DYNLT1: variants seen among roughly 807,000 people sequenced by gnomAD.
DYNLT1 encodes T-complex testis-specific protein 1 homolog.
DYNLT1 carries 18 observed loss-of-function variants against 19.6 expected under a neutral mutation model. The observed-to-expected ratio is 0.92, with a 90% CI of 0.64 to 1.36. The LOEUF is 1.36. DYNLT1 is among the 40% of genes most tolerant of loss of function. The probability of loss-of-function intolerance (pLI) is 0.00; values close to 1 mark genes in which losing one functional copy is unlikely to be tolerated. For missense variants in DYNLT1, 137 were observed against 139.3 expected (o/e 0.98, Z 0.08); for synonymous variants, 56 against 44.0 (o/e 1.27, Z -1.07).
chr6:158,644,694 C>T lies in DYNLT1; in HGVS notation c.15G>A (p.Gln5=), dbSNP rs1562327368. 3 of 1,612,126 alleles carry T rather than the reference C, an allele frequency of 1.9e-6. No individual in the cohort carries two copies. The highest frequency in any genetic ancestry group is 3.3e-5 in the Admixed American group (2 of 60,016). ...ACCCGGCGGTTACCTCCTCCGCAGCCTGGTAGTCTTCCATCTTTCCTCCGG... is the reference window on the plus strand; with the variant it reads ...ACCCGGCGGTTACCTCCTCCGCAGCTTGGTAGTCTTCCATCTTTCCTCCGG... The part of the protein sequence containing the change: MEDY[Q]AAEETAFVVD... The change falls in exon 1 of 5, where the codon CAG becomes CAA. Residue 5 remains glutamine (Q), a synonymous_variant. Transcript: ENST00000367089.
At chr6:158,644,257 C>A (rs1787269526) in intron 1 of DYNLT1, among the ~76,000 whole-genome samples, 1 of 151,810 alleles carries the variant, frequency 6.6e-6, no homozygotes, top group African/African-American at 2.4e-5. Context: ...GTCCAAGCCT[C>A]GGCGCTCCCA....
At chr6:158,644,200 C>T (rs1422351914) in intron 1 of DYNLT1, among the ~76,000 whole-genome samples, 1 of 151,940 alleles carries the variant, frequency 6.6e-6, no homozygotes, top group Non-Finnish European at 1.5e-5. Flanking sequence ...CAGCCCGGGG[C>T]GGAGGGGCTG....
intron 2 of DYNLT1, among the ~76,000 whole-genome samples, chr6:158,639,084 A>G (rs763335795): frequency 6.6e-6 from 1 of 152,190 alleles, no homozygotes; most frequent in East Asian, 1.9e-4. Context: ...CCAGCAGTCC[A>G]GGGATCTGAG....
intron 3 of DYNLT1, 32 bp downstream of exon 3, chr6:158,637,739 C>T (rs376970070): frequency 6.2e-7 from 1 of 1,613,914 alleles, no homozygotes; most frequent in Non-Finnish European, 8.5e-7. Context: ...AAAAACCATC[C>T]CGCAAATATA....
chr6:158,637,732 A>C (rs376061466), intron 3 of DYNLT1, 39 bp downstream of exon 3: 60 of 1,613,964 alleles, frequency 3.7e-5, no homozygotes, highest in Non-Finnish European at 4.9e-5. Flanking sequence ...AGTGTTAAAA[A>C]ACCATCCCGC....
At position 158,637,129 on chromosome 6, in the gene DYNLT1, G is replaced by A. The variant is rs758542251; in HGVS notation, c.270C>T (p.Asp90=). 11 of 1,614,038 alleles carry A rather than the reference G, an allele frequency of 6.8e-6. No individual in the cohort carries two copies. Among genetic ancestry groups the A allele is most frequent in the African/African-American group, 2.7e-5 (2 of 74,922 alleles). ...ASSCFWDSST[D]GSCTVRWENK... is the part of the protein sequence containing the mutation. Reference sequence around the variant, plus strand: ...CACAAACATGAATGAAAATCATACCGTCAGTAGAGCTGTCCCAGAAGCAGG... The same window carrying A: ...CACAAACATGAATGAAAATCATACCATCAGTAGAGCTGTCCCAGAAGCAGG... The change falls in exon 4 of 5, where the codon GAC becomes GAT. Residue 90 remains aspartate, a splice_region_variant and synonymous_variant. Coordinates refer to ENST00000367089, the MANE Select transcript of DYNLT1 (RefSeq NM_006519.4).
Position 158,637,016 on chromosome 6 carries a change from CTAT to C in DYNLT1, c.271+109_271+111del, listed in dbSNP as rs1384360622. 10 of 1,541,074 alleles carry C rather than the reference CTAT, an allele frequency of 6.5e-6. No homozygotes were observed. In the South Asian group the frequency reaches 6.9e-5, roughly 11 times the overall value. On this transcript the variant is annotated intron_variant, in intron 4 of 4. Coordinates refer to ENST00000367089, the MANE Select transcript of DYNLT1 (RefSeq NM_006519.4). ...TGCTACACAAAGAACCTTGGCAAGT[CTAT>C]TATTAAATGTTTTAAAAGGTGATAA... is the stretch of plus-strand genomic sequence containing the variant.
chr6:158,638,402 C>T (rs1787066870), intron 2 of DYNLT1, among the ~76,000 whole-genome samples: 1 of 152,154 alleles, frequency 6.6e-6, no homozygotes. Flanking sequence ...TATTCCAAAA[C>T]TTATTTTAGG....
At chr6:158,637,517 C>T (rs1178591856) in intron 3 of DYNLT1, 1 of 640,318 alleles carries the variant, frequency 1.6e-6, no homozygotes, top group Non-Finnish European at 2.7e-6. Flanking sequence ...GCTGTCCACA[C>T]TTCCTCTATG....
intron 2 of DYNLT1, among the ~76,000 whole-genome samples, chr6:158,640,740 C>T (rs539536254): frequency 1.2e-3 from 176 of 152,228 alleles, no homozygotes; most frequent in Non-Finnish European, 1.9e-3. Context: ...TGCAGGCTGA[C>T]ACCTTCCAGC....
intron 4 of DYNLT1, 86 bp from the exon 5 acceptor site, chr6:158,636,983 C>T: frequency 1.3e-6 from 2 of 1,541,646 alleles, no homozygotes; most frequent in Non-Finnish European, 8.9e-7. Flanking sequence ...TTCAAGTACC[C>T]ATCTCTATGC....
At chr6:158,644,017 G>A (rs1787247006) in intron 1 of DYNLT1, among the ~76,000 whole-genome samples, 1 of 151,530 alleles carries the variant, frequency 6.6e-6, no homozygotes, top group Non-Finnish European at 1.5e-5. Flanking sequence ...TCTTCTGCTT[G>A]GCGACATCGT....
intron 2 of DYNLT1, among the ~76,000 whole-genome samples, chr6:158,639,557 T>C (rs1258998074): frequency 6.6e-6 from 1 of 152,194 alleles, no homozygotes; most frequent in East Asian, 1.9e-4. Flanking sequence ...CTACCCAATA[T>C]TTAGGGTCAC....
At chr6:158,643,519 T>G (rs565111874) in intron 1 of DYNLT1, among the ~76,000 whole-genome samples, 1 of 152,350 alleles carries the variant, frequency 6.6e-6, no homozygotes, top group East Asian at 1.9e-4. Flanking sequence ...TTCGCTCTTG[T>G]TGCCCAGGCT....
In DYNLT1 at chr6:158,639,332, C is replaced by T. The variant is rs111750998; in HGVS notation, c.70-1438G>A. On this transcript the variant is annotated intron_variant, in intron 2 of 4. Transcript: ENST00000367089. Reference sequence around the variant, plus strand: ...AAGAGGGCTGGGGGGCCAGAAGTCCCGGTTTAAGAGAACAGCAGTATTACT... The same window carrying T: ...AAGAGGGCTGGGGGGCCAGAAGTCCTGGTTTAAGAGAACAGCAGTATTACT... Among the ~76,000 whole-genome samples, 334 of 152,218 alleles carry T rather than the reference C, an allele frequency of 2.2e-3. 1 individual carries two copies. The highest frequency in any genetic ancestry group is 6.8e-3 in the African/African-American group (281 of 41,520).
At chr6:158,641,436 G>A (rs1340234675) in intron 1 of DYNLT1, 76 bp from the exon 2 acceptor site, 3 of 1,266,850 alleles carry the variant, frequency 2.4e-6, no homozygotes, top group Admixed American at 2.3e-5. Context: ...GCAAATGTAG[G>A]TAATGAACAT....
At chr6:158,642,109 C>T in intron 1 of DYNLT1, 1 of 152,178 alleles carries the variant, frequency 6.6e-6, no homozygotes, top group Non-Finnish European at 1.5e-5. Context: ...TTTTTTAAAG[C>T]ACCATTACTT....
intron 4 of DYNLT1, 50 bp downstream of exon 4, chr6:158,637,077 AG>A (rs754853453): frequency 6.2e-7 from 1 of 1,607,496 alleles, no homozygotes; most frequent in Non-Finnish European, 8.5e-7. Flanking sequence ...GGAAACTTCC[AG>A]TCATATATTT....
At chr6:158,641,260 CATT>C (rs1267021316) in intron 2 of DYNLT1, 56 bp downstream of exon 2, 3 of 1,468,862 alleles carry the variant, frequency 2.0e-6, no homozygotes, top group African/African-American at 1.4e-5. Context: ...ATTTAAAACA[CATT>C]ATTTTCTCTA....
Sources: gnomAD v4.1 joint callset for allele counts (sites outside exome capture counted in the v4.1 genomes callset) on GRCh38, gnomAD v4.1.1 for gene constraint, MANE v1.5 for transcripts, NCBI Gene and HGNC (gene_info 2026-07-23, HGNC 2026-07-21) for gene names.